AMMECR1: variants seen among roughly 807,000 people sequenced by gnomAD.
AMMECR1 encodes the protein AMMECR nuclear protein 1.
Under a neutral mutation model 22.5 loss-of-function variants are expected in AMMECR1, and 3 were observed. The observed-to-expected ratio is 0.13, with a 90% confidence interval of 0.06 to 0.35. The LOEUF (loss-of-function observed/expected upper bound fraction) is 0.35, where lower values mean the gene tolerates loss of function less well. Ranked by LOEUF, AMMECR1 falls within the 10% of genes least tolerant of loss-of-function variation. The pLI, the probability that AMMECR1 is intolerant of heterozygous loss-of-function variation, is 1.00. For synonymous variants in AMMECR1, 130 were observed against 116.7 expected (o/e 1.11, Z -0.74); for missense variants, 235 against 278.7 (o/e 0.84, Z 1.12).
chrX:110,230,306 G>C (rs1354189353), intron 2 of AMMECR1, among the ~76,000 whole-genome samples: 2 of 112,164 alleles, frequency 1.8e-5, no homozygotes, highest in Non-Finnish European at 3.8e-5. Context: ...GAAGCTTCCA[G>C]AGGAAGTATC....
intron 2 of AMMECR1, among the ~76,000 whole-genome samples, chrX:110,222,015 A>G (rs2067503050): frequency 9.0e-6 from 1 of 110,582 alleles, no homozygotes; most frequent in African/African-American, 3.3e-5. Context: ...AAACTAGTTC[A>G]ACCATTGTGG....
chrX:110,246,778 C>G lies in AMMECR1; in HGVS notation c.584+17711G>C, dbSNP rs1312868277. Among the ~76,000 whole-genome samples, 2 of 112,275 alleles carry G rather than the reference C, an allele frequency of 1.8e-5. 1 individual carries two copies. Among genetic ancestry groups the G allele is most frequent in the South Asian group, 7.4e-4 (2 of 2,699 alleles). ...GTTAGGAAACATCACTGGGTGAGTC[C>G]TTTGGGAAATAGAAGAAATCTGCAG... is the stretch of plus-strand genomic sequence containing the variant. On this transcript the variant is annotated intron_variant, in intron 2 of 5. Coordinates refer to ENST00000262844, the MANE Select transcript of AMMECR1 (RefSeq NM_015365.3).
chrX:110,392,477 C>T (rs1224514572), intron 2 of AMMECR1, among the ~76,000 whole-genome samples: 1 of 110,960 alleles, frequency 9.0e-6, no homozygotes. Context: ...GAGACAAGGC[C>T]TTGCTTTGTT....
chrX:110,407,259 T>C (rs1156634299), intron 2 of AMMECR1, among the ~76,000 whole-genome samples: 1 of 112,320 alleles, frequency 8.9e-6, no homozygotes, highest in Admixed American at 9.4e-5. Context: ...AAATACATTC[T>C]CAATGGCTGG....
intron 2 of AMMECR1, among the ~76,000 whole-genome samples, chrX:110,349,065 TAAC>T (rs1355631736): frequency 8.9e-6 from 1 of 112,074 alleles, no homozygotes; most frequent in Non-Finnish European, 1.9e-5. Context: ...AAAAATAAAG[TAAC>T]AACAATAATA....
chrX:110,397,010 C>T (rs903632817), intron 2 of AMMECR1, among the ~76,000 whole-genome samples: 7 of 111,934 alleles, frequency 6.3e-5, no homozygotes, highest in Non-Finnish European at 1.3e-4. Flanking sequence ...GGAGCTGACT[C>T]CGGAGCCCAC....
chrX:110,428,472 G>T (rs1389753134), intron 1 of AMMECR1, among the ~76,000 whole-genome samples: 1 of 111,620 alleles, frequency 9.0e-6, no homozygotes, highest in African/African-American at 3.3e-5. Context: ...ACGAATAACT[G>T]AATCAATGAT....
intron 1 of AMMECR1, among the ~76,000 whole-genome samples, chrX:110,309,961 A>G (rs969101876): frequency 3.6e-5 from 4 of 112,655 alleles, no homozygotes; most frequent in African/African-American, 1.3e-4. Context: ...TTACAAATTG[A>G]TAAGCCTGAA....
At chrX:110,305,896 T>A (rs1165934671) in intron 1 of AMMECR1, among the ~76,000 whole-genome samples, 2 of 110,172 alleles carry the variant, frequency 1.8e-5, no homozygotes, top group Non-Finnish European at 3.8e-5. Flanking sequence ...GACAGGAGAA[T>A]CACTTGAACC....
At chrX:110,325,953 T>TTTTTC (rs1285121763) in intron 2 of AMMECR1, among the ~76,000 whole-genome samples, 4 of 111,690 alleles carry the variant, frequency 3.6e-5, no homozygotes, top group Admixed American at 9.5e-5. Flanking sequence ...CGTAAGTTTC[T>TTTTTC]TTTTCTTTTC....
At chrX:110,264,457 T>C (rs1204110835) in intron 2 of AMMECR1, 32 bp downstream of exon 2, 2 of 892,732 alleles carry the variant, frequency 2.2e-6, no homozygotes, top group Admixed American at 2.9e-5. Context: ...TTTTTTAATG[T>C]AAAAGCAGAG....
chrX:110,306,305 TAAAATAA>T (rs762452698), intron 1 of AMMECR1, among the ~76,000 whole-genome samples: 4 of 110,782 alleles, frequency 3.6e-5, no homozygotes, highest in South Asian at 3.8e-4. Flanking sequence ...AAAAATAAAA[TAAAATAA>T]AAAATAAAAA....
rs755483656 is a variant in AMMECR1, at chrX:110,378,008, CAAAAAAA to C, written c.-148+48643_-148+48649del. ...TGGGCGACAGAGCGAGACTCCGTCT[CAAAAAAA>C]AAAAAAAAAAAAAAAAATATCTACC... On this transcript the variant is annotated intron_variant, in intron 2 of 7. Transcript: ENST00000372057. Among the ~76,000 whole-genome samples the C allele has an allele frequency of 3.2e-4, 10 of 30,945 alleles. No individual in the cohort carries two copies. The South Asian group carries it at 0.012, about 36-fold the overall frequency. 26.9% of individuals were successfully genotyped at this position (30,945 alleles called of 115,157 possible). A position where few individuals can be genotyped will look rare whatever the true frequency, so the allele number is the denominator to read the frequency against.
chrX:110,269,282 A>G (rs1365113471), intron 1 of AMMECR1, among the ~76,000 whole-genome samples: 2 of 112,118 alleles, frequency 1.8e-5, no homozygotes, highest in Non-Finnish European at 3.8e-5. Flanking sequence ...CAATTAAGTG[A>G]TACAACAAAA....
intron 2 of AMMECR1, among the ~76,000 whole-genome samples, chrX:110,228,073 T>C (rs2067543457): frequency 8.9e-6 from 1 of 112,383 alleles, no homozygotes; most frequent in Admixed American, 9.4e-5. Context: ...TCTGTTCTTA[T>C]GGCCTCTGTA....
At chrX:110,283,001 G>C (rs2067860892) in intron 1 of AMMECR1, among the ~76,000 whole-genome samples, 1 of 111,463 alleles carries the variant, frequency 9.0e-6, no homozygotes, top group South Asian at 3.8e-4. Context: ...CTATGAGTGA[G>C]CTGGCACACC....
At chrX:110,255,841 G>A (rs1397380874) in intron 2 of AMMECR1, among the ~76,000 whole-genome samples, 1 of 112,073 alleles carries the variant, frequency 8.9e-6, no homozygotes, top group Admixed American at 9.5e-5. Context: ...AATTTTTTGA[G>A]CTGAAGTAAA....
intron 2 of AMMECR1, among the ~76,000 whole-genome samples, chrX:110,391,487 A>G (rs1370900383): frequency 8.9e-6 from 1 of 111,900 alleles, no homozygotes; most frequent in Non-Finnish European, 1.9e-5. Context: ...ACAATTTTCT[A>G]TATCATTATT....
At chrX:110,222,424 T>C (rs1373235988) in intron 2 of AMMECR1, among the ~76,000 whole-genome samples, 5 of 79,580 alleles carry the variant, frequency 6.3e-5, no homozygotes, top group African/African-American at 1.9e-4. Context: ...GGAAGGGGAA[T>C]ATCACACTCT....
Sources: allele counts gnomAD v4.1 joint callset (sites outside exome capture counted in the v4.1 genomes callset), GRCh38; gene constraint gnomAD v4.1.1; transcripts MANE v1.5; gene names NCBI Gene and HGNC (gene_info 2026-07-23, HGNC 2026-07-21).